The following PHACTR1 variants were observed in gnomAD, a reference collection of about 807,000 sequenced individuals.
PHACTR1 encodes the protein RPEL repeat containing 1.
PHACTR1 carries 16 observed loss-of-function variants against 69.2 expected under a neutral mutation model. That is an observed-to-expected ratio of 0.23 (90% CI 0.16 to 0.35). The LOEUF is 0.35. Among genes scored for constraint, PHACTR1 ranks in the 10% least tolerant of loss-of-function variants. The pLI is 1.00. For synonymous variants in PHACTR1, 312 were observed against 284.5 expected (o/e 1.10, Z -0.97); for missense variants, 510 against 734.7 (o/e 0.69, Z 3.54).
chr6:12,944,783 A>ATT (rs201376090), intron 4 of PHACTR1, among the ~76,000 whole-genome samples: 5 of 119,296 alleles, frequency 4.2e-5, no homozygotes, highest in South Asian at 5.4e-4. Flanking sequence ...ATTTATTTTT[A>ATT]TTTATTTTTT....
intron 12 of PHACTR1, chr6:13,280,185 C>T (rs181062115): frequency 6.6e-5 from 10 of 152,340 alleles, no homozygotes; most frequent in African/African-American, 2.2e-4. Context: ...GTAGGTGACA[C>T]TAGGGATGGG....
At chr6:13,286,248 C>A in intron 14 of PHACTR1, 26 bp downstream of exon 14, 1 of 1,511,358 alleles carries the variant, frequency 6.6e-7, no homozygotes, top group Non-Finnish European at 8.9e-7. Context: ...TTTTTTTTTC[C>A]TTTTTTTCCC....
intron 4 of PHACTR1, among the ~76,000 whole-genome samples, chr6:12,994,242 G>A (rs1458981655): frequency 6.6e-6 from 1 of 152,144 alleles, no homozygotes; most frequent in Non-Finnish European, 1.5e-5. Flanking sequence ...TGAAAAATAT[G>A]ATATATTAGG....
chr6:12,836,023 G>A lies in PHACTR1; in HGVS notation c.250+86233G>A, dbSNP rs6913787. ...CCACATTGTTTCCTTATAAAATCCTGTAAAACATAATGGCCTTTTATTTAA... is the reference window on the plus strand; with the variant it reads ...CCACATTGTTTCCTTATAAAATCCTATAAAACATAATGGCCTTTTATTTAA... On this transcript the variant is annotated intron_variant, in intron 4 of 14. Transcript: ENST00000332995. Among the ~76,000 whole-genome samples, 1,454 of 152,176 alleles carry A rather than the reference G, an allele frequency of 9.6e-3. 23 individuals carry two copies. The highest frequency in any genetic ancestry group is 0.033 in the African/African-American group (1,359 of 41,532).
At chr6:13,037,657 T>C (rs1441771160) in intron 4 of PHACTR1, among the ~76,000 whole-genome samples, 1 of 152,140 alleles carries the variant, frequency 6.6e-6, no homozygotes. Flanking sequence ...CCTTCTAAGC[T>C]GATGGGCAGA....
At chr6:13,286,632 T>C (rs1029079654) in intron 14 of PHACTR1, among the ~76,000 whole-genome samples, 4 of 152,240 alleles carry the variant, frequency 2.6e-5, no homozygotes, top group African/African-American at 9.6e-5. Flanking sequence ...TTCCCTGACA[T>C]TCTCCCTGAC....
intron 5 of PHACTR1, among the ~76,000 whole-genome samples, chr6:13,081,966 T>G (rs1811458873): frequency 6.6e-6 from 1 of 152,190 alleles, no homozygotes; most frequent in African/African-American, 2.4e-5. Context: ...TTTCCTAGGT[T>G]AACAATTCAC....
intron 4 of PHACTR1, among the ~76,000 whole-genome samples, chr6:12,981,766 A>C (rs1490570846): frequency 6.6e-6 from 1 of 152,236 alleles, no homozygotes; most frequent in East Asian, 1.9e-4. Context: ...ACCATGTATA[A>C]GTGGGCAGTT....
intron 5 of PHACTR1, among the ~76,000 whole-genome samples, chr6:13,154,923 G>A (rs558980425): frequency 1.3e-5 from 2 of 152,018 alleles, no homozygotes; most frequent in East Asian, 3.9e-4. Context: ...TGTGAGAAGG[G>A]AAACCATTGT....
rs755868882 is a variant in PHACTR1 at position 13,286,135 on chromosome 6, G to A, written c.1651-11G>A. The stretch of plus-strand genomic sequence containing the variant: ...TCCCATTGCACATTGATGGGCTTCT[G>A]TTGATTCCAGGCTGCCATCCGAAAG... On this transcript the variant is annotated splice_polypyrimidine_tract_variant and intron_variant, in intron 13 of 14. Coordinates refer to ENST00000332995, the MANE Select transcript of PHACTR1 (RefSeq NM_030948.6). 2.5e-6 allele frequency: 4 copies of A among 1,594,968 alleles called. No individual in the cohort carries two copies. Among genetic ancestry groups the A allele is most frequent in the Non-Finnish European group, 3.4e-6 (4 of 1,172,168 alleles).
intron 10 of PHACTR1, 75 bp downstream of exon 10, chr6:13,230,268 T>TCGGC: frequency 1.7e-5 from 27 of 1,551,882 alleles, no homozygotes; most frequent in Non-Finnish European, 2.1e-5. Flanking sequence ...GAATTCAGTC[T>TCGGC]CGGCCGGGCG....
In PHACTR1 at chr6:12,817,274, T is replaced by C. The variant is rs149363434; in HGVS notation, c.250+67484T>C. Among the ~76,000 whole-genome samples the C allele has an allele frequency of 1.5e-3, 226 of 152,346 alleles. 1 individual carries two copies. Among genetic ancestry groups the C allele is most frequent in the Non-Finnish European group, 2.5e-3 (167 of 68,028 alleles). ...CAAATTATGAAGCAGGTGAAATTTA[T>C]CATCACATCGTATGTATCCCTTTTC... On this transcript the variant is annotated intron_variant, in intron 4 of 14. Transcript: ENST00000332995.
chr6:12,998,595 G>A (rs1416731645), intron 4 of PHACTR1, among the ~76,000 whole-genome samples: 2 of 135,512 alleles, frequency 1.5e-5, no homozygotes, highest in African/African-American at 3.0e-5. Context: ...TGGCCTGGGC[G>A]ACACAGCAAG....
At chr6:13,105,029 C>T (rs1189215778) in intron 5 of PHACTR1, among the ~76,000 whole-genome samples, 2 of 152,168 alleles carry the variant, frequency 1.3e-5, no homozygotes, top group Admixed American at 6.6e-5. Flanking sequence ...GCAAGAGGAT[C>T]GTGAGCGTGG....
At chr6:13,088,910 TAGAC>T (rs1260097561) in intron 5 of PHACTR1, among the ~76,000 whole-genome samples, 4 of 152,330 alleles carry the variant, frequency 2.6e-5, no homozygotes, top group South Asian at 2.1e-4. Context: ...TTGAGCCTAA[TAGAC>T]AGTCTTGCAA....
chr6:12,863,137 T>C (rs1441725478), intron 4 of PHACTR1, among the ~76,000 whole-genome samples: 1 of 152,278 alleles, frequency 6.6e-6, no homozygotes, highest in Non-Finnish European at 1.5e-5. Flanking sequence ...AGAGAAGTTA[T>C]GAAGTTGGAG....
chr6:12,768,821 C>G (rs914294241), intron 4 of PHACTR1, among the ~76,000 whole-genome samples: 4 of 118,302 alleles, frequency 3.4e-5, no homozygotes, highest in East Asian at 2.0e-4. Context: ...CACACACACA[C>G]ACACACACAC....
intron 4 of PHACTR1, among the ~76,000 whole-genome samples, chr6:12,992,372 T>C (rs1176431530): frequency 2.6e-5 from 4 of 152,274 alleles, no homozygotes; most frequent in African/African-American, 7.2e-5. Flanking sequence ...AGTGCTATTC[T>C]TGGCTCTTAA....
At chr6:13,065,018 G>A (rs1409054655) in intron 5 of PHACTR1, among the ~76,000 whole-genome samples, 1 of 152,016 alleles carries the variant, frequency 6.6e-6, no homozygotes, top group African/African-American at 2.4e-5. Flanking sequence ...CCTCCACATT[G>A]TACCATTGAC....
Sources: gnomAD v4.1 joint callset for allele counts (sites outside exome capture counted in the v4.1 genomes callset) on GRCh38, gnomAD v4.1.1 for gene constraint, MANE v1.5 for transcripts, NCBI Gene and HGNC (gene_info 2026-07-23, HGNC 2026-07-21) for gene names.